Variants in CSMD2 observed in about 807,000 individuals in gnomAD.
The protein encoded by CSMD2 is CUB and sushi domain-containing protein 2.
In CSMD2, 130 loss-of-function variants were observed where a neutral mutation model predicts 398.5. That is an observed-to-expected ratio of 0.33 (90% CI 0.28 to 0.38). The LOEUF (loss-of-function observed/expected upper bound fraction) is 0.38. Ranked by LOEUF, CSMD2 falls within the 10% of genes least tolerant of loss-of-function variation. The pLI, the probability that CSMD2 is intolerant of heterozygous loss-of-function variation, is 1.00. For missense variants in CSMD2, 3,829 were observed against 4,764.9 expected, an observed-to-expected ratio of 0.80 and a Z score of 5.78; for synonymous variants, 1,828 against 1,908.5, an observed-to-expected ratio of 0.96 and a Z score of 1.10.
At chr1:34,026,894 G>A (rs958299221) in intron 3 of CSMD2, among the ~76,000 whole-genome samples, 27 of 150,376 alleles carry the variant, frequency 1.8e-4, no homozygotes, top group African/African-American at 5.9e-4. Context: ...GCCAAAGACA[G>A]AAAGGGAGAC....
At chr1:33,708,175 A>T (rs1479262962) in intron 22 of CSMD2, among the ~76,000 whole-genome samples, 1 of 152,136 alleles carries the variant, frequency 6.6e-6, no homozygotes, top group Non-Finnish European at 1.5e-5. Context: ...TGTCTTAACA[A>T]ATCCCTCTCT....
chr1:33,746,178 T>C (rs1433181586), intron 13 of CSMD2, among the ~76,000 whole-genome samples: 2 of 152,150 alleles, frequency 1.3e-5, no homozygotes, highest in African/African-American at 4.8e-5. Context: ...TAGCACTGAA[T>C]TGGGAGTCTC....
At chr1:33,809,734 A>T (rs1656637345) in intron 10 of CSMD2, among the ~76,000 whole-genome samples, 1 of 107,154 alleles carries the variant, frequency 9.3e-6, no homozygotes, top group Non-Finnish European at 2.0e-5. Context: ...AAGTAGAAAC[A>T]ACACCATCAT....
chr1:33,917,874 G>A (rs1643805433), intron 5 of CSMD2, among the ~76,000 whole-genome samples: 2 of 152,160 alleles, frequency 1.3e-5, no homozygotes, highest in Non-Finnish European at 2.9e-5. Context: ...GCAAGAACAT[G>A]TTTCAAATCA....
At chr1:33,905,779 G>A (rs1643051490) in intron 5 of CSMD2, among the ~76,000 whole-genome samples, 1 of 152,174 alleles carries the variant, frequency 6.6e-6, no homozygotes, top group Admixed American at 6.5e-5. Flanking sequence ...TGGAGTACAG[G>A]AGAGGGCTGG....
At chr1:33,600,297 C>T in intron 44 of CSMD2, 2 of 624,578 alleles carry the variant, frequency 3.2e-6, no homozygotes, top group Admixed American at 5.9e-5. Context: ...CCACAGAGAA[C>T]ATTCTATAAG....
At chr1:33,737,479 A>G (rs1459653339) in intron 15 of CSMD2, among the ~76,000 whole-genome samples, 1 of 152,178 alleles carries the variant, frequency 6.6e-6, no homozygotes, top group Non-Finnish European at 1.5e-5. Flanking sequence ...CTCACCAGGC[A>G]CTGCTCCAAG....
chr1:33,707,742 C>T (rs914359409), intron 22 of CSMD2, among the ~76,000 whole-genome samples: 1 of 146,814 alleles, frequency 6.8e-6, no homozygotes, highest in Non-Finnish European at 1.5e-5. Flanking sequence ...CACACACACA[C>T]ACCATACACC....
rs2148517270 is a variant in CSMD2, at chr1:33,519,337, A to G, written c.*53+128T>C. The stretch of plus-strand genomic sequence containing the variant: ...AGTGCCTGTTACACAATGATGCTCA[A>G]TGCACAGCTCTCCTCTTACTGGGTG... On this transcript the variant is annotated intron_variant, in intron 70 of 70. Coordinates refer to ENST00000373381, the MANE Select transcript of CSMD2 (RefSeq NM_001281956.2). The surrounding 1 kb of genome is among the most constrained non-coding windows in gnomAD (Gnocchi z 5.6). The G allele has an allele frequency of 1.6e-6, 1 of 617,278 alleles. No homozygotes were observed. Among genetic ancestry groups the G allele is most frequent in the Non-Finnish European group, 2.9e-6 (1 of 350,156 alleles). 38.2% of individuals were successfully genotyped at this position (617,278 alleles called of 1,614,324 possible).
chr1:33,528,360 T>C (rs1307361270), intron 64 of CSMD2, among the ~76,000 whole-genome samples: 1 of 152,180 alleles, frequency 6.6e-6, no homozygotes, highest in Non-Finnish European at 1.5e-5. Context: ...AGAGAAACAA[T>C]AGAAAATCTG....
Position 33,657,937 on chromosome 1 carries a change from G to T in CSMD2, c.4447+9C>A. On this transcript the variant is annotated intron_variant, in intron 27 of 70. Transcript: ENST00000373381. ...CAAGAGCAGAGTGCACCCTGCAGCT[G>T]CTTTGTACCGATGCATGTTGGCGGG... is the stretch of plus-strand genomic sequence containing the variant. 6.2e-7 allele frequency: 1 copy of T among 1,610,718 alleles called. No individual in the cohort carries two copies. The highest frequency in any genetic ancestry group is 8.5e-7 in the Non-Finnish European group (1 of 1,177,476).
At chr1:33,712,171 T>A (rs1646013930) in intron 21 of CSMD2, among the ~76,000 whole-genome samples, 1 of 152,132 alleles carries the variant, frequency 6.6e-6, no homozygotes, top group African/African-American at 2.4e-5. Flanking sequence ...GCCTGGGGCT[T>A]CTGAGGCAGA....
chr1:33,672,272 A>G (rs1170950261), intron 25 of CSMD2, among the ~76,000 whole-genome samples: 1 of 152,194 alleles, frequency 6.6e-6, no homozygotes, highest in Non-Finnish European at 1.5e-5. Flanking sequence ...CTCCCACCCT[A>G]ATACTGCGCT....
Position 33,714,618 on chromosome 1 carries a change from G to C in CSMD2, c.3375C>G (p.Arg1125=), listed in dbSNP as rs765311464. 3.1e-6 allele frequency: 5 copies of C among 1,613,914 alleles called. No homozygotes were observed. In the Admixed American group the frequency reaches 8.3e-5, roughly 27 times the overall value. Residue 1125 remains arginine, a synonymous_variant, in exon 21 of 71, where the codon CGC becomes CGG. Coordinates refer to ENST00000373381, the MANE Select transcript of CSMD2 (RefSeq NM_001281956.2). ...ACCTTGGCAGAGGCGAGCTCCACAG[G>C]CGCCGTCTGCCCCCCAGGCACGTGA... The part of the protein sequence containing the change: ...ARITCLGGRR[R]LWSSPLPRCV...
At chr1:33,989,988 T>C (rs767677779) in intron 3 of CSMD2, among the ~76,000 whole-genome samples, 2 of 152,154 alleles carry the variant, frequency 1.3e-5, no homozygotes, top group African/African-American at 2.4e-5. Context: ...TTTTATTGTA[T>C]ATTAATTACA....
At chr1:33,827,425 C>T (rs7550304) in intron 6 of CSMD2, among the ~76,000 whole-genome samples, 119,331 of 151,936 alleles carry the variant, frequency 0.79, 47,709 homozygotes, top group East Asian at 0.94. Context: ...CCCAAAAGGC[C>T]TTTCCTCAGG....
chr1:33,620,764 C>T (rs1641714618), intron 37 of CSMD2, among the ~76,000 whole-genome samples: 1 of 150,678 alleles, frequency 6.6e-6, no homozygotes, highest in Non-Finnish European at 1.5e-5. Flanking sequence ...GGTCCCTGTC[C>T]TACCCTTTAC....
At chr1:33,925,659 C>A (rs1644102405) in intron 4 of CSMD2, among the ~76,000 whole-genome samples, 1 of 152,096 alleles carries the variant, frequency 6.6e-6, no homozygotes, top group Non-Finnish European at 1.5e-5. Context: ...TCACAGAGGC[C>A]AGAGTAATAC....
intron 40 of CSMD2, among the ~76,000 whole-genome samples, chr1:33,614,003 C>T (rs1347369093): frequency 1.3e-5 from 2 of 152,096 alleles, no homozygotes; most frequent in African/African-American, 2.4e-5. Context: ...TCTAGGCCAG[C>T]TAGAATGTGC....
Sources: allele counts gnomAD v4.1 joint callset (sites outside exome capture counted in the v4.1 genomes callset), GRCh38; gene constraint gnomAD v4.1.1; non-coding constraint Gnocchi (gnomAD v3.1); transcripts MANE v1.5; gene names NCBI Gene and HGNC (gene_info 2026-07-23, HGNC 2026-07-21).